Variants in ZNF609 observed in about 807,000 individuals in gnomAD.
The protein encoded by ZNF609 is zinc finger protein 609.
In ZNF609, 11 loss-of-function variants were observed where a neutral mutation model predicts 109.5. The ratio of observed to expected loss-of-function variants is 0.10; its 90% CI spans 0.06 to 0.17. The LOEUF is 0.17. Ranked by LOEUF, ZNF609 falls within the 10% of genes least tolerant of loss-of-function variation. The pLI, the probability that ZNF609 is intolerant of heterozygous loss-of-function variation, is 1.00. For missense variants in ZNF609, 1,559 were observed against 1,772.4 expected, an observed-to-expected ratio of 0.88 and a Z score of 2.16; for synonymous variants, 646 against 662.0, an observed-to-expected ratio of 0.98 and a Z score of 0.37.
At chr15:64,673,782 A>C in intron 4 of ZNF609, 134 bp from the exon 5 acceptor site, 1 of 1,043,792 alleles carries the variant, frequency 9.6e-7, no homozygotes, top group Non-Finnish European at 1.4e-6. Flanking sequence ...ATTCACAATC[A>C]GAATTTCTTT....
At chr15:64,631,202 C>T in intron 3 of ZNF609, 1 of 624,074 alleles carries the variant, frequency 1.6e-6, no homozygotes. Context: ...GAGGCTGCTG[C>T]TTCAGGTGAA....
intron 1 of ZNF609, among the ~76,000 whole-genome samples, chr15:64,486,524 CAAAA>C (rs35701301): frequency 1.8e-5 from 2 of 113,072 alleles, no homozygotes; most frequent in Admixed American, 8.7e-5. Context: ...ACTCTGTCTC[CAAAA>C]AAAAAAAAAA....
At chr15:64,508,611 T>A (rs182703537) in intron 2 of ZNF609, among the ~76,000 whole-genome samples, 5 of 151,854 alleles carry the variant, frequency 3.3e-5, no homozygotes, top group Admixed American at 3.3e-4. Context: ...CAAATGAGAA[T>A]TCGATAAAAA....
intron 3 of ZNF609, among the ~76,000 whole-genome samples, chr15:64,626,429 T>C (rs1275103407): frequency 6.6e-6 from 1 of 152,176 alleles, no homozygotes; most frequent in Non-Finnish European, 1.5e-5. Context: ...ACAGATACTT[T>C]TTAAAAAATT....
rs1555426671 is a variant in ZNF609, at chr15:64,680,795, A to G, written c.4095A>G (p.Thr1365=). 1.9e-6 allele frequency: 3 copies of G among 1,613,302 alleles called. No homozygotes were observed. Among genetic ancestry groups the G allele is most frequent in the Non-Finnish European group, 1.7e-6 (2 of 1,179,878 alleles). The change falls in exon 8 of 10, where the codon ACA becomes ACG. Residue 1365 remains threonine (T), a synonymous_variant. Coordinates refer to ENST00000326648, the MANE Select transcript of ZNF609 (RefSeq NM_015042.2). ...CTCCTTCCCAGCGCCTGATGTCCACACACCACCACCACCACCACTTGGGGT... is the reference window on the plus strand; with the variant it reads ...CTCCTTCCCAGCGCCTGATGTCCACGCACCACCACCACCACCACTTGGGGT... ...RTSPSQRLMS[T]HHHHHHLGYS...
intron 2 of ZNF609, among the ~76,000 whole-genome samples, chr15:64,572,563 AG>A (rs1894874895): frequency 6.6e-6 from 1 of 152,192 alleles, no homozygotes; most frequent in South Asian, 2.1e-4. Context: ...TGTTATTGCC[AG>A]GTCCTCCCTT....
intron 3 of ZNF609, among the ~76,000 whole-genome samples, chr15:64,664,441 G>GT (rs1180663361): frequency 6.6e-6 from 1 of 152,130 alleles, no homozygotes; most frequent in African/African-American, 2.4e-5. Context: ...TATTACTGCT[G>GT]TTTTTTAGCA....
At chr15:64,578,538 C>G (rs1336049645) in intron 2 of ZNF609, among the ~76,000 whole-genome samples, 1 of 152,020 alleles carries the variant, frequency 6.6e-6, no homozygotes, top group Admixed American at 6.6e-5. Flanking sequence ...ACTAAAAATA[C>G]AAAAATCAGC....
At chr15:64,673,872 T>G (rs1363673007) in intron 4 of ZNF609, 44 bp from the exon 5 acceptor site, 5 of 1,562,352 alleles carry the variant, frequency 3.2e-6, no homozygotes, top group Non-Finnish European at 3.5e-6. Context: ...TTGAAGATGT[T>G]TTCTCTTCTT....
Position 64,510,180 on chromosome 15 carries a change from C to G in ZNF609, c.747+10014C>G, listed in dbSNP as rs376680709. 1.1e-4 allele frequency among the ~76,000 whole-genome samples: 16 copies of G among 149,828 alleles called. No individual in the cohort carries two copies. In the South Asian group the frequency reaches 2.3e-3, roughly 22 times the overall value. On this transcript the variant is annotated intron_variant, in intron 2 of 9. Transcript: ENST00000326648. Reference sequence around the variant, plus strand: ...CACCATATTCACATAACTTTCATCACAACACATTGTTATAATTTTTTTTTC... The same window carrying G: ...CACCATATTCACATAACTTTCATCAGAACACATTGTTATAATTTTTTTTTC...
At chr15:64,561,010 C>T (rs1186587422) in intron 2 of ZNF609, among the ~76,000 whole-genome samples, 3 of 152,142 alleles carry the variant, frequency 2.0e-5, no homozygotes, top group Admixed American at 1.3e-4. Flanking sequence ...CAAATTTCTA[C>T]GTATCTGACT....
chr15:64,562,897 G>C (rs1202621833), intron 2 of ZNF609, among the ~76,000 whole-genome samples: 1 of 145,280 alleles, frequency 6.9e-6, no homozygotes, highest in Non-Finnish European at 1.5e-5. Flanking sequence ...GTGTGTGTGT[G>C]TGTGTGTGTG....
At chr15:64,573,771 T>A (rs971135776) in intron 2 of ZNF609, among the ~76,000 whole-genome samples, 2 of 152,150 alleles carry the variant, frequency 1.3e-5, no homozygotes, top group East Asian at 3.9e-4. Context: ...TTTACCATGT[T>A]CTTTCAAACT....
At chr15:64,645,834 C>T (rs1240400238) in intron 3 of ZNF609, among the ~76,000 whole-genome samples, 1 of 152,122 alleles carries the variant, frequency 6.6e-6, no homozygotes, top group South Asian at 2.1e-4. Context: ...TGATGAATTA[C>T]CACTTCATAC....
At chr15:64,659,983 C>T (rs1410393555) in intron 3 of ZNF609, among the ~76,000 whole-genome samples, 3 of 151,718 alleles carry the variant, frequency 2.0e-5, no homozygotes, top group South Asian at 2.1e-4. Context: ...TACAAGTGCA[C>T]GCCACCATGC....
chr15:64,599,743 G>C (rs1431120874), intron 2 of ZNF609, among the ~76,000 whole-genome samples: 4 of 152,106 alleles, frequency 2.6e-5, no homozygotes, highest in African/African-American at 9.7e-5. Context: ...ATACCTGCAA[G>C]GTTAAGTCCC....
intron 3 of ZNF609, among the ~76,000 whole-genome samples, chr15:64,640,497 C>T (rs1448795264): frequency 1.3e-5 from 2 of 152,078 alleles, no homozygotes; most frequent in East Asian, 3.9e-4. Flanking sequence ...AAATAGGTTT[C>T]AGCAGTTGGC....
At chr15:64,596,930 C>T (rs685068) in intron 2 of ZNF609, among the ~76,000 whole-genome samples, 112,972 of 152,088 alleles carry the variant, frequency 0.74, 45,501 homozygotes, top group East Asian at 0.96. Context: ...AAAAGCTGTA[C>T]TTAACTGCTA....
intron 1 of ZNF609, among the ~76,000 whole-genome samples, chr15:64,475,952 C>G (rs868034097): frequency 6.6e-6 from 1 of 152,134 alleles, no homozygotes; most frequent in African/African-American, 2.4e-5. Flanking sequence ...ATTGAATAAA[C>G]TAGGGAAAAG....
Sources: gnomAD v4.1 joint callset for allele counts (sites outside exome capture counted in the v4.1 genomes callset) on GRCh38, gnomAD v4.1.1 for gene constraint, MANE v1.5 for transcripts, NCBI Gene and HGNC (gene_info 2026-07-23, HGNC 2026-07-21) for gene names.